WIZ: variants seen among roughly 807,000 people sequenced by gnomAD.
The protein encoded by WIZ is protein Wiz.
In WIZ, 25 loss-of-function variants were observed where a neutral mutation model predicts 140.2. The observed-to-expected ratio is 0.18, with a 90% CI of 0.13 to 0.25. The LOEUF (loss-of-function observed/expected upper bound fraction) is 0.25, where lower values mean the gene tolerates loss of function less well. Ranked by LOEUF, WIZ falls within the 10% of genes least tolerant of loss-of-function variation. WIZ has a pLI of 1.00. For synonymous variants in WIZ, 1,125 were observed against 1,154.3 expected, an observed-to-expected ratio of 0.97 and a Z score of 0.51; for missense variants, 2,231 against 2,632.6, an observed-to-expected ratio of 0.85 and a Z score of 3.34.
rs1034957342 is a variant in WIZ, at chr19:15,428,196, C to T, written c.3728G>A (p.Ser1243Asn). The T allele has an allele frequency of 9.8e-6, 15 of 1,534,298 alleles. No individual in the cohort carries two copies. The highest frequency in any genetic ancestry group is 1.2e-5 in the Non-Finnish European group (14 of 1,146,666). Residue 1243 changes from serine (S) to asparagine (N), a missense_variant, in exon 8 of 13, where the codon AGC becomes AAC. Physicochemically the swap from Ser to Asn is conservative, Grantham distance 46 (BLOSUM62 1). Around this residue, in one of 15 missense-constraint regions of WIZ, gnomAD observed 141 missense variants for 161.2 expected, o/e 0.87. Coordinates refer to ENST00000673675, the MANE Select transcript of WIZ (RefSeq NM_001371589.1). The surrounding 1 kb of genome is among the most constrained non-coding windows in gnomAD (Gnocchi z 6.4). Reference sequence around the variant, plus strand: ...CGAGAGGTCCTGCTTCCCCCAGGGGCTGGCCATACCCGCGGCCTTCAGCTT... The same window carrying T: ...CGAGAGGTCCTGCTTCCCCCAGGGGTTGGCCATACCCGCGGCCTTCAGCTT... The part of the protein sequence containing the change: ...KAKLKAAGMA[S>N]PWGKQDLSAA...
Position 15,439,833 on chromosome 19 carries a change from C to G in WIZ, c.1161G>C (p.Lys387Asn), listed in dbSNP as rs1316683005. 3.9e-6 allele frequency: 6 copies of G among 1,529,598 alleles called. No homozygotes were observed. Among genetic ancestry groups the G allele is most frequent in the African/African-American group, 1.4e-5 (1 of 72,820 alleles). The allele number at this position is 1,529,598 out of a possible 1,614,324, so 94.8% of individuals were successfully genotyped here. The change falls in exon 4 of 13, where the codon AAG (lysine) becomes AAC (asparagine). Residue 387 changes from lysine (K) to asparagine (N), a missense_variant. Lys to Asn is a moderately conservative substitution (Grantham distance 94). Coordinates refer to ENST00000673675, the MANE Select transcript of WIZ (RefSeq NM_001371589.1). The surrounding 1 kb of genome is among the most constrained non-coding windows in gnomAD (Gnocchi z 7.0). ...CCTCGTCTCCTGGAACTTGCTTCAGCTTTTGGATCTCCTCAATGATCTTCT... is the reference window on the plus strand; with the variant it reads ...CCTCGTCTCCTGGAACTTGCTTCAGGTTTTGGATCTCCTCAATGATCTTCT... Reference protein sequence around the residue: ...SREKIIEEIQKLKQVPGDEGR... With the variant: ...SREKIIEEIQNLKQVPGDEGR...
At position 15,420,664 on chromosome 19, in the gene WIZ, G is replaced by A. The variant is rs1968335000; in HGVS notation, c.*2412C>T. On this transcript the variant is annotated 3_prime_UTR_variant, in exon 13 of 13. Coordinates refer to ENST00000673675, the MANE Select transcript of WIZ (RefSeq NM_001371589.1). ...GAAGAGCAATGCTCAGAAAGTTTTA[G>A]GAAAACATCCCCCTGCAAGAACTGG... 6.6e-6 allele frequency: 1 copy of A among 152,198 alleles called. No individual in the cohort carries two copies. 9.4% of individuals were successfully genotyped at this position (152,198 alleles called of 1,614,324 possible). A position where few individuals can be genotyped will look rare whatever the true frequency, so the allele number is the denominator to read the frequency against.
intron 2 of WIZ, among the ~76,000 whole-genome samples, chr19:15,444,690 A>G (rs182113314): frequency 6.6e-6 from 1 of 152,338 alleles, no homozygotes; most frequent in East Asian, 1.9e-4. Context: ...GTTGGGAAAG[A>G]AAGGCCTGGC....
At chr19:15,433,263 C>T (rs1306546003) in intron 5 of WIZ, 2 of 985,394 alleles carry the variant, frequency 2.0e-6, no homozygotes, top group South Asian at 4.7e-5. Context: ...ACAAGGCCGG[C>T]AACACATTTC....
In WIZ at chr19:15,439,572, G is replaced by A; in HGVS notation, c.1422C>T (p.Pro474=). 1 of 1,492,776 alleles carries A rather than the reference G, an allele frequency of 6.7e-7. No homozygotes were observed. Among genetic ancestry groups the A allele is most frequent in the South Asian group, 1.3e-5 (1 of 79,802 alleles). The allele number at this position is 1,492,776 out of a possible 1,614,324, so 92.5% of individuals were successfully genotyped here. ...SACVFCGFPA[P]SESLLREHVR... is the part of the protein sequence containing the mutation. The stretch of plus-strand genomic sequence containing the variant: ...CGTGCTCCCTGAGCAGGCTCTCGCT[G>A]GGCGCGGGGAAACCACAGAAGACAC... Residue 474 remains proline, a synonymous_variant, in exon 4 of 13, where the codon CCC becomes CCT. Coordinates refer to ENST00000673675, the MANE Select transcript of WIZ (RefSeq NM_001371589.1). This position sits in a 1 kb window ranked among gnomAD's most constrained non-coding sequence, Gnocchi z 7.0.
Position 15,442,864 on chromosome 19 carries a change from C to A in WIZ, c.206-116G>T. Reference sequence around the variant, plus strand: ...AGAAAGGCCCTGCTGGCTCCCAGTTCCTCTCCCTGAGAGGCCCGTGGCCTC... The same window carrying A: ...AGAAAGGCCCTGCTGGCTCCCAGTTACTCTCCCTGAGAGGCCCGTGGCCTC... On this transcript the variant is annotated intron_variant, in intron 2 of 12. Transcript: ENST00000673675. This position sits in a 1 kb window ranked among gnomAD's most constrained non-coding sequence, Gnocchi z 5.5. 1.8e-6 allele frequency: 1 copy of A among 547,590 alleles called. No individual in the cohort carries two copies. The highest frequency in any genetic ancestry group is 2.8e-6 in the Non-Finnish European group (1 of 362,832). The allele number at this position is 547,590 out of a possible 1,614,324, so 33.9% of individuals were successfully genotyped here.
At chr19:15,426,849 C>T in intron 9 of WIZ, 133 bp downstream of exon 9, 1 of 1,059,282 alleles carries the variant, frequency 9.4e-7, no homozygotes, top group Non-Finnish European at 1.4e-6. Context: ...GAATACACAG[C>T]TAACCCTGTG....
intron 3 of WIZ, among the ~76,000 whole-genome samples, chr19:15,441,261 C>A (rs1433393433): frequency 1.2e-4 from 18 of 152,152 alleles, no homozygotes. Flanking sequence ...CCCTGCTAAG[C>A]CTTTGGCCCC....
chr19:15,448,404 G>A (rs1321523170), intron 1 of WIZ, 37 bp from the exon 2 acceptor site: 7 of 1,454,060 alleles, frequency 4.8e-6, no homozygotes, highest in Non-Finnish European at 6.5e-6. Flanking sequence ...AGGGGATGGA[G>A]GAAAGGGAAT....
Position 15,448,180 on chromosome 19 carries a change from A to C in WIZ, c.128T>G (p.Ile43Ser). The C allele has an allele frequency of 6.2e-7, 1 of 1,612,726 alleles. No homozygotes were observed. Among genetic ancestry groups the C allele is most frequent in the Non-Finnish European group, 8.5e-7 (1 of 1,179,176 alleles). Reference sequence around the variant, plus strand: ...AGGCAGGTAACGGGTGGACCGGAAGATGCCACCTTCCCCCTCAGCAGCTTC... The same window carrying C: ...AGGCAGGTAACGGGTGGACCGGAAGCTGCCACCTTCCCCCTCAGCAGCTTC... ...GAEAAEGEGGIFRSTRYLPVT... is the reference protein window; with the variant it reads ...GAEAAEGEGGSFRSTRYLPVT... The change falls in exon 2 of 13, where the codon ATC (isoleucine) becomes AGC (serine). Residue 43 changes from isoleucine (I) to serine (S), a missense_variant. By Grantham distance (142) the Ile-to-Ser change is moderately radical. Coordinates refer to ENST00000673675, the MANE Select transcript of WIZ (RefSeq NM_001371589.1).
intron 2 of WIZ, among the ~76,000 whole-genome samples, chr19:15,443,318 C>T (rs1293371819): frequency 1.3e-5 from 2 of 152,220 alleles, no homozygotes; most frequent in Non-Finnish European, 2.9e-5. Context: ...GCGATCCACC[C>T]ACCTCGGCCT....
chr19:15,428,419 C>T lies in WIZ; in HGVS notation c.3505G>A (p.Ala1169Thr), dbSNP rs907047847. 1 of 1,535,496 alleles carries T rather than the reference C, an allele frequency of 6.5e-7. No individual in the cohort carries two copies. The highest frequency in any genetic ancestry group is 1.4e-5 in the African/African-American group (1 of 72,998). The change falls in exon 8 of 13, where the codon GCC becomes ACC. Residue 1169 changes from alanine (A) to threonine (T), a missense_variant. Around this residue, in one of 15 missense-constraint regions of WIZ, gnomAD observed 39 missense variants for 74.9 expected, o/e 0.52. Transcript: ENST00000673675. The surrounding 1 kb of genome is among the most constrained non-coding windows in gnomAD (Gnocchi z 6.4). ...CTGACGCCCAGGTGGCGCAGGTGGG[C>T]ACGGGCGTGGCTAGACAGGCCCTTG... ...TRKGLSSHAR[A>T]HLRHLGVSDP...
In WIZ at chr19:15,438,753, C is replaced by T. The variant is rs902103211; in HGVS notation, c.2241G>A (p.Glu747=). The change falls in exon 4 of 13, where the codon GAG becomes GAA. Residue 747 remains glutamate (E), a synonymous_variant. Transcript: ENST00000673675. ...DGDPAMALKH[E]ERKCPYCPDR... is the part of the protein sequence containing the mutation. ...CGGGGCAGTAGGGGCATTTCCGCTC[C>T]TCGTGCTTCAGTGCCATGGCCGGAT... 2 of 1,535,604 alleles carry T rather than the reference C, an allele frequency of 1.3e-6. No individual in the cohort carries two copies. The highest frequency in any genetic ancestry group is 2.0e-5 in the Admixed American group (1 of 50,974).
rs996970864 is a variant in WIZ, at chr19:15,434,498, G to C, written c.2740+2308C>G. Among the ~76,000 whole-genome samples, 4 of 150,486 alleles carry C rather than the reference G, an allele frequency of 2.7e-5. No individual in the cohort carries two copies. In the Admixed American group the frequency reaches 2.7e-4, roughly 10 times the overall value. On this transcript the variant is annotated intron_variant, in intron 5 of 12. Transcript: ENST00000673675. Reference sequence around the variant, plus strand: ...GAATGGTGTGAACCCAGGAGGTGGAGCTTGTAGTGAGCCGAGATCGTGCCA... The same window carrying C: ...GAATGGTGTGAACCCAGGAGGTGGACCTTGTAGTGAGCCGAGATCGTGCCA...
At chr19:15,444,870 C>A (rs907557439) in intron 2 of WIZ, among the ~76,000 whole-genome samples, 4 of 152,232 alleles carry the variant, frequency 2.6e-5, no homozygotes, top group Non-Finnish European at 5.9e-5. Context: ...TCCCAAGATT[C>A]CGGGCGTCCC....
chr19:15,442,528 C>T lies in WIZ; in HGVS notation c.278+148G>A. The stretch of plus-strand genomic sequence containing the variant: ...CCCAACCCCAGCACACGCCCAGGGG[C>T]TTGCCTGCCGGGAGCTGACTCCTCC... On this transcript the variant is annotated intron_variant, in intron 3 of 12. Coordinates refer to ENST00000673675, the MANE Select transcript of WIZ (RefSeq NM_001371589.1). This position sits in a 1 kb window ranked among gnomAD's most constrained non-coding sequence, Gnocchi z 5.5. 1 of 528,236 alleles carries T rather than the reference C, an allele frequency of 1.9e-6. No homozygotes were observed. The highest frequency in any genetic ancestry group is 2.9e-6 in the Non-Finnish European group (1 of 345,754). The allele number at this position is 528,236 out of a possible 1,614,324, so 32.7% of individuals were successfully genotyped here. A position where few individuals can be genotyped will look rare whatever the true frequency, so the allele number is the denominator to read the frequency against.
Position 15,430,066 on chromosome 19 carries a change from C to T in WIZ, c.2935G>A (p.Val979Ile). The T allele has an allele frequency of 1.3e-6, 2 of 1,531,960 alleles. No homozygotes were observed. Among genetic ancestry groups the T allele is most frequent in the Non-Finnish European group, 1.7e-6 (2 of 1,144,088 alleles). The allele number at this position is 1,531,960 out of a possible 1,614,324, so 94.9% of individuals were successfully genotyped here. A position where few individuals can be genotyped will look rare whatever the true frequency, so the allele number is the denominator to read the frequency against. Residue 979 changes from valine (V) to isoleucine (I), a missense_variant, in exon 7 of 13, where the codon GTC becomes ATC. Around this residue, in one of 15 missense-constraint regions of WIZ, gnomAD observed 24 missense variants for 61.2 expected, o/e 0.39. Transcript: ENST00000673675. ...CGGGTCTCAAAGCAGGCACCGCAGACCTCGCAGGTGGTCAGGCTCTGGGCT... is the reference window on the plus strand; with the variant it reads ...CGGGTCTCAAAGCAGGCACCGCAGATCTCGCAGGTGGTCAGGCTCTGGGCT... ...LKAQSLTTCE[V>I]CGACFETRKG...
chr19:15,439,789 T>G lies in WIZ; in HGVS notation c.1205A>C (p.Gln402Pro). The change falls in exon 4 of 13, where the codon CAG becomes CCG. Residue 402 changes from glutamine (Q) to proline (P), a missense_variant. Physicochemically the swap from Gln to Pro is moderately conservative, Grantham distance 76 (BLOSUM62 -1). Transcript: ENST00000673675. The surrounding 1 kb of genome is among the most constrained non-coding windows in gnomAD (Gnocchi z 7.0). ...GGTGCCAAAGACACACTTAGGGCACTGCAGCCGTGCCTCCCGGCCCTCGTC... is the reference window on the plus strand; with the variant it reads ...GGTGCCAAAGACACACTTAGGGCACGGCAGCCGTGCCTCCCGGCCCTCGTC... Reference protein sequence around the residue: ...PGDEGREARLQCPKCVFGTNS... With the variant: ...PGDEGREARLPCPKCVFGTNS... 6.6e-7 allele frequency: 1 copy of G among 1,508,294 alleles called. No homozygotes were observed. The highest frequency in any genetic ancestry group is 1.3e-5 in the South Asian group (1 of 79,734). 93.4% of individuals were successfully genotyped at this position (1,508,294 alleles called of 1,614,324 possible).
intron 1 of WIZ, 52 bp from the exon 2 acceptor site, chr19:15,448,419 C>G: frequency 1.5e-6 from 2 of 1,340,726 alleles, no homozygotes; most frequent in East Asian, 2.5e-5. Flanking sequence ...GGGAATCTGC[C>G]TCAGTTTCCC....
Sources: allele counts gnomAD v4.1 joint callset (sites outside exome capture counted in the v4.1 genomes callset), GRCh38; gene constraint gnomAD v4.1.1; regional missense constraint gnomAD v4.1.1; non-coding constraint Gnocchi (gnomAD v3.1); transcripts MANE v1.5; gene names NCBI Gene and HGNC (gene_info 2026-07-23, HGNC 2026-07-21).